TSPAN18: variants seen among roughly 807,000 people sequenced by gnomAD.
TSPAN18 encodes the protein tetraspanin 18, also known as tetraspanin-18.
TSPAN18 carries 14 observed loss-of-function variants against 27.3 expected under a neutral mutation model. That is an observed-to-expected ratio of 0.51 (90% confidence interval 0.34 to 0.80). The LOEUF (loss-of-function observed/expected upper bound fraction) is 0.80, where lower values mean the gene tolerates loss of function less well. Ranked by LOEUF, TSPAN18 falls within the 30% of genes least tolerant of loss-of-function variation. TSPAN18 has a pLI of 0.01. For missense variants in TSPAN18, 268 were observed against 323.9 expected, an observed-to-expected ratio of 0.83 and a Z score of 1.32; for synonymous variants, 143 against 136.5, an observed-to-expected ratio of 1.05 and a Z score of -0.33.
chr11:44,901,091 G>A (rs908105544), intron 3 of TSPAN18: 1 of 152,140 alleles, frequency 6.6e-6, no homozygotes, highest in Admixed American at 6.5e-5. Flanking sequence ...GCAGAGCTGG[G>A]ACACAATCCC....
At chr11:44,914,762 G>T (rs993544951) in intron 5 of TSPAN18, among the ~76,000 whole-genome samples, 1 of 152,200 alleles carries the variant, frequency 6.6e-6, no homozygotes, top group Admixed American at 6.5e-5. Context: ...AATAGCATCT[G>T]TCTCACTAGA....
intron 2 of TSPAN18, among the ~76,000 whole-genome samples, chr11:44,857,396 G>A (rs1034178582): frequency 1.3e-5 from 2 of 152,212 alleles, no homozygotes; most frequent in African/African-American, 2.4e-5. Flanking sequence ...AATGCAAGTC[G>A]GGCTGTGCCA....
At position 44,830,798 on chromosome 11, in the gene TSPAN18, A is replaced by G. The variant is rs573634138; in HGVS notation, c.-152-29530A>G. Among the ~76,000 whole-genome samples, 14 of 152,342 alleles carry G rather than the reference A, an allele frequency of 9.2e-5. No individual in the cohort carries two copies. In the East Asian group the frequency reaches 1.9e-3, roughly 21 times the overall value. On this transcript the variant is annotated intron_variant, in intron 2 of 9. Coordinates refer to ENST00000520358, the MANE Select transcript of TSPAN18 (RefSeq NM_130783.5). ...AGTGGTGGGGACTGCAGTAAACTTC[A>G]GCACACACCCTGTCTAAATGGAGAC...
chr11:44,927,329 C>G (rs1005491508), intron 9 of TSPAN18, among the ~76,000 whole-genome samples: 11 of 152,240 alleles, frequency 7.2e-5, no homozygotes, highest in African/African-American at 2.7e-4. Context: ...TCTGGGATCT[C>G]CATCATCTGG....
intron 5 of TSPAN18, among the ~76,000 whole-genome samples, chr11:44,916,233 A>G (rs898279627): frequency 2.6e-5 from 4 of 152,184 alleles, no homozygotes; most frequent in Admixed American, 6.5e-5. Context: ...CGGGACCTCT[A>G]GAAGGCAGCC....
chr11:44,732,681 G>A lies in TSPAN18; in HGVS notation c.-240+5394G>A, dbSNP rs546311850. 5.3e-5 allele frequency among the ~76,000 whole-genome samples: 8 copies of A among 152,264 alleles called. No homozygotes were observed. In the East Asian group the frequency reaches 1.5e-3, roughly 29 times the overall value. On this transcript the variant is annotated intron_variant, in intron 1 of 9. Transcript: ENST00000520358. ...TTGGGACATGGCTGCTTATGGAGGG[G>A]TTAGAGCGGGGAATGATCTTATTAA...
chr11:44,876,516 C>T (rs922551277), intron 3 of TSPAN18, among the ~76,000 whole-genome samples: 4 of 152,188 alleles, frequency 2.6e-5, no homozygotes, highest in Admixed American at 2.6e-4. Context: ...GGCTTCATGG[C>T]TGAGGAGACA....
chr11:44,880,184 G>T (rs1452354066), intron 3 of TSPAN18, among the ~76,000 whole-genome samples: 4 of 152,204 alleles, frequency 2.6e-5, no homozygotes, highest in African/African-American at 4.8e-5. Flanking sequence ...CCAGAAGAGC[G>T]CCAGGATGGC....
intron 2 of TSPAN18, among the ~76,000 whole-genome samples, chr11:44,853,280 C>T (rs1050219126): frequency 2.0e-5 from 3 of 151,668 alleles, no homozygotes; most frequent in African/African-American, 4.8e-5. Context: ...GGGTTAGGGA[C>T]GTAGAGTCCA....
At chr11:44,756,835 T>C (rs1164685412) in intron 1 of TSPAN18, among the ~76,000 whole-genome samples, 1 of 152,238 alleles carries the variant, frequency 6.6e-6, no homozygotes, top group African/African-American at 2.4e-5. Flanking sequence ...CTTGAGTTAT[T>C]TGCATGTTTT....
At chr11:44,754,558 G>C (rs1330090033) in intron 1 of TSPAN18, among the ~76,000 whole-genome samples, 1 of 152,224 alleles carries the variant, frequency 6.6e-6, no homozygotes, top group Non-Finnish European at 1.5e-5. Flanking sequence ...ACCTTTGAAA[G>C]CCTGGTATCT....
At chr11:44,791,683 C>G (rs1856226493) in intron 2 of TSPAN18, among the ~76,000 whole-genome samples, 1 of 152,220 alleles carries the variant, frequency 6.6e-6, no homozygotes, top group African/African-American at 2.4e-5. Flanking sequence ...GGCATCTGCT[C>G]TGGGAAGAGG....
In TSPAN18 at chr11:44,761,598, T is replaced by C. The variant is rs534940390; in HGVS notation, c.-239-2828T>C. Among the ~76,000 whole-genome samples, 180 of 152,136 alleles carry C rather than the reference T, an allele frequency of 1.2e-3. 1 individual carries two copies. The highest frequency in any genetic ancestry group is 1.8e-3 in the Non-Finnish European group (121 of 67,970). ...CCGAAGACGGGAGACAGCTTAAGGC[T>C]CTGGAGCGCAAAACCTGGAAAGTAA... On this transcript the variant is annotated intron_variant, in intron 1 of 9. Transcript: ENST00000520358.
At chr11:44,903,727 C>T (rs918338263) in intron 3 of TSPAN18, 6 of 455,538 alleles carry the variant, frequency 1.3e-5, no homozygotes, top group Non-Finnish European at 2.2e-5. Context: ...TGAATTCAGG[C>T]CATGCTCACT....
At chr11:44,762,546 T>C (rs1356647998) in intron 1 of TSPAN18, among the ~76,000 whole-genome samples, 1 of 152,230 alleles carries the variant, frequency 6.6e-6, no homozygotes, top group Non-Finnish European at 1.5e-5. Context: ...CATGTACTTT[T>C]GTAGTTAAAA....
intron 3 of TSPAN18, among the ~76,000 whole-genome samples, chr11:44,895,613 C>T (rs532255870): frequency 6.6e-6 from 1 of 152,252 alleles, no homozygotes; most frequent in African/African-American, 2.4e-5. Context: ...GTTGGGACAC[C>T]ACAAGGGGTG....
intron 2 of TSPAN18, among the ~76,000 whole-genome samples, chr11:44,828,018 C>A (rs1857080096): frequency 6.6e-6 from 1 of 152,146 alleles, no homozygotes; most frequent in African/African-American, 2.4e-5. Flanking sequence ...CATGTTTCCC[C>A]ACAGGGAAGA....
At chr11:44,751,199 C>A (rs899497070) in intron 1 of TSPAN18, among the ~76,000 whole-genome samples, 9 of 152,180 alleles carry the variant, frequency 5.9e-5, no homozygotes, top group African/African-American at 2.2e-4. Flanking sequence ...CATGTGAATT[C>A]AATTCAAGGC....
intron 2 of TSPAN18, among the ~76,000 whole-genome samples, chr11:44,776,987 G>T (rs1367371398): frequency 2.0e-5 from 3 of 152,222 alleles, no homozygotes; most frequent in African/African-American, 7.2e-5. Context: ...TCACAAGCTG[G>T]CTTCCTGCAC....
Sources: allele counts gnomAD v4.1 joint callset (sites outside exome capture counted in the v4.1 genomes callset), GRCh38; gene constraint gnomAD v4.1.1; transcripts MANE v1.5; gene names NCBI Gene and HGNC (gene_info 2026-07-23, HGNC 2026-07-21).